The following SERGEF variants were observed in gnomAD, a reference collection of about 807,000 sequenced individuals.
SERGEF encodes the protein secretion regulating guanine nucleotide exchange factor.
Under a neutral mutation model 50.0 loss-of-function variants are expected in SERGEF, and 51 were observed. The observed-to-expected ratio is 1.02, with a 90% CI of 0.81 to 1.29. SERGEF has a LOEUF of 1.29. Among genes scored for constraint, SERGEF ranks in the 50% most tolerant of loss-of-function variants. The pLI, the probability that SERGEF is intolerant of heterozygous loss-of-function variation, is 0.00. For missense variants in SERGEF, 521 were observed against 557.0 expected (o/e 0.94, Z 0.65); for synonymous variants, 205 against 212.4 (o/e 0.97, Z 0.30).
In SERGEF at chr11:17,835,977, AG is replaced by A. The variant is rs577091602; in HGVS notation, c.1048+42230del. Among the ~76,000 whole-genome samples, 36 of 152,370 alleles carry A rather than the reference AG, an allele frequency of 2.4e-4. No individual in the cohort carries two copies. In the East Asian group the frequency reaches 6.2e-3, roughly 26 times the overall value. ...GTGTGAAAGGCCTTAGAGAACAACC[AG>A]GTGGTTGTATAGCTGAGAGAATGAA... On this transcript the variant is annotated intron_variant, in intron 10 of 10. Transcript: ENST00000265965.
chr11:17,923,742 A>C (rs547506096), intron 9 of SERGEF, among the ~76,000 whole-genome samples: 2 of 152,280 alleles, frequency 1.3e-5, no homozygotes, highest in East Asian at 3.9e-4. Flanking sequence ...GTGGGTGTAC[A>C]CACAGCTCCA....
intron 3 of SERGEF, among the ~76,000 whole-genome samples, chr11:18,005,967 T>C (rs1854064339): frequency 6.6e-6 from 1 of 152,226 alleles, no homozygotes; most frequent in African/African-American, 2.4e-5. Context: ...ACTGGCCAGC[T>C]ACCCCAAGCA....
chr11:17,815,744 A>G (rs769960469), intron 10 of SERGEF, among the ~76,000 whole-genome samples: 15 of 151,400 alleles, frequency 9.9e-5, no homozygotes, highest in Non-Finnish European at 1.9e-4. Flanking sequence ...CAACATGGTG[A>G]AACCTCGTCC....
intron 9 of SERGEF, among the ~76,000 whole-genome samples, chr11:17,950,746 A>G (rs1282162191): frequency 6.6e-6 from 1 of 152,164 alleles, no homozygotes; most frequent in East Asian, 1.9e-4. Context: ...TTAAATCCTC[A>G]TTGCCTTCTG....
At chr11:17,864,268 A>G (rs1342306984) in intron 10 of SERGEF, among the ~76,000 whole-genome samples, 7 of 152,236 alleles carry the variant, frequency 4.6e-5, no homozygotes, top group Non-Finnish European at 1.0e-4. Context: ...CCTTGTGCCT[A>G]AAATGGCCAG....
chr11:17,821,560 T>C (rs1312181031), intron 10 of SERGEF, among the ~76,000 whole-genome samples: 2 of 152,216 alleles, frequency 1.3e-5, no homozygotes, highest in African/African-American at 2.4e-5. Context: ...TAATATGCTA[T>C]GTCATGCCTC....
At chr11:17,797,442 C>CT (rs1849589893) in intron 10 of SERGEF, among the ~76,000 whole-genome samples, 1 of 152,224 alleles carries the variant, frequency 6.6e-6, no homozygotes, top group African/African-American at 2.4e-5. Context: ...GCCACAGGTT[C>CT]ATTCCTTCAT....
chr11:17,807,328 TC>T (rs3216315), intron 10 of SERGEF, among the ~76,000 whole-genome samples: 4,336 of 69,416 alleles, frequency 0.062, 88 homozygotes, highest in Middle Eastern at 0.2. Context: ...CTCAAAGAAC[TC>T]CCCCCCCACA....
intron 8 of SERGEF, among the ~76,000 whole-genome samples, chr11:17,967,184 C>T (rs1202120363): frequency 6.6e-6 from 1 of 152,190 alleles, no homozygotes; most frequent in Non-Finnish European, 1.5e-5. Context: ...ATGTCTCTGG[C>T]TCAGAGCCAG....
At chr11:17,951,623 A>C (rs541452943) in intron 9 of SERGEF, among the ~76,000 whole-genome samples, 57 of 152,312 alleles carry the variant, frequency 3.7e-4, no homozygotes, top group African/African-American at 1.3e-3. Context: ...CCTGACTACC[A>C]TCCAGTGATA....
intron 10 of SERGEF, among the ~76,000 whole-genome samples, chr11:17,869,637 G>C (rs1851100953): frequency 6.6e-6 from 1 of 151,716 alleles, no homozygotes; most frequent in African/African-American, 2.4e-5. Flanking sequence ...CCATTCTTGA[G>C]GGTAGAGCCC....
Position 18,013,026 on chromosome 11 carries a change from CG to C in SERGEF, c.-17del. The C allele has an allele frequency of 7.3e-6, 10 of 1,365,168 alleles. No homozygotes were observed. Among genetic ancestry groups the C allele is most frequent in the Non-Finnish European group, 5.6e-6 (6 of 1,069,814 alleles). 84.6% of individuals were successfully genotyped at this position (1,365,168 alleles called of 1,614,324 possible). A position where few individuals can be genotyped will look rare whatever the true frequency, so the allele number is the denominator to read the frequency against. ...CGCGCTCCATGCGAGGACGCTCCGCCGGCGCTTCCGGGAGGGACGGCACGGG... is the reference window on the plus strand; with the variant it reads ...CGCGCTCCATGCGAGGACGCTCCGCCGCGCTTCCGGGAGGGACGGCACGGG... On this transcript the variant is annotated 5_prime_UTR_variant, in exon 1 of 11. Transcript: ENST00000265965. This position sits in a 1 kb window ranked among gnomAD's most constrained non-coding sequence, Gnocchi z 4.3.
intron 9 of SERGEF, among the ~76,000 whole-genome samples, chr11:17,880,279 T>C (rs1027687495): frequency 3.3e-4 from 50 of 152,210 alleles, no homozygotes; most frequent in African/African-American, 1.2e-3. Flanking sequence ...CTCAGGACCA[T>C]ATATGCAGCA....
chr11:18,009,904 A>G (rs1160167475), intron 1 of SERGEF, among the ~76,000 whole-genome samples: 1 of 152,216 alleles, frequency 6.6e-6, no homozygotes, highest in Non-Finnish European at 1.5e-5. Context: ...TCTGCATTAC[A>G]AAGTACAAAT....
intron 10 of SERGEF, among the ~76,000 whole-genome samples, chr11:17,852,731 T>C (rs1850736190): frequency 6.6e-6 from 1 of 152,214 alleles, no homozygotes; most frequent in Non-Finnish European, 1.5e-5. Context: ...ACATAAACAC[T>C]TTCCTAGCAA....
chr11:17,948,734 G>A (rs899184032), intron 9 of SERGEF, among the ~76,000 whole-genome samples: 5 of 152,214 alleles, frequency 3.3e-5, no homozygotes, highest in African/African-American at 1.2e-4. Flanking sequence ...GCACCTGTGA[G>A]TGGGACCCCA....
chr11:17,853,958 T>C (rs1196983865), intron 10 of SERGEF: 2 of 148,378 alleles, frequency 1.3e-5, no homozygotes, highest in East Asian at 2.0e-4. Context: ...GAGGCAGAGG[T>C]TGCAGTGAGC....
chr11:17,834,112 C>T (rs772086165), intron 10 of SERGEF, among the ~76,000 whole-genome samples: 1 of 152,148 alleles, frequency 6.6e-6, no homozygotes, highest in Non-Finnish European at 1.5e-5. Context: ...TGAATTCCCA[C>T]GTGTTGTGAC....
chr11:17,933,009 T>G (rs895741338), intron 9 of SERGEF, among the ~76,000 whole-genome samples: 2 of 152,204 alleles, frequency 1.3e-5, no homozygotes, highest in African/African-American at 4.8e-5. Context: ...TTTTAAAATA[T>G]CTGTTTTCCT....
Sources: gnomAD v4.1 joint callset for allele counts (sites outside exome capture counted in the v4.1 genomes callset) on GRCh38, gnomAD v4.1.1 for gene constraint, Gnocchi (gnomAD v3.1) non-coding constraint, MANE v1.5 for transcripts, NCBI Gene and HGNC (gene_info 2026-07-23, HGNC 2026-07-21) for gene names.